Variants in IPCEF1 observed in about 807,000 individuals in gnomAD.
The protein encoded by IPCEF1 is interactor protein for cytohesin exchange factors 1.
A neutral mutation model predicts 50.9 loss-of-function variants in IPCEF1; 31 were observed. The ratio of observed to expected loss-of-function variants is 0.61; its 90% confidence interval spans 0.46 to 0.82. The LOEUF (loss-of-function observed/expected upper bound fraction) is 0.82. Among genes scored for constraint, IPCEF1 ranks in the 40% least tolerant of loss-of-function variants. The pLI, the probability that IPCEF1 is intolerant of heterozygous loss-of-function variation, is 0.00. For missense variants in IPCEF1, 458 were observed against 514.0 expected (o/e 0.89, Z 1.05); for synonymous variants, 181 against 192.0 (o/e 0.94, Z 0.47).
At chr6:154,246,431 C>CA (rs1781049832) in intron 5 of IPCEF1, among the ~76,000 whole-genome samples, 160 bp downstream of exon 5, 1 of 152,210 alleles carries the variant, frequency 6.6e-6, no homozygotes, top group African/African-American at 2.4e-5. Context: ...GCATAACCTA[C>CA]ATATCTACTG....
intron 9 of IPCEF1, among the ~76,000 whole-genome samples, chr6:154,204,846 T>C (rs1159458928): frequency 6.6e-6 from 1 of 152,140 alleles, no homozygotes; most frequent in Non-Finnish European, 1.5e-5. Flanking sequence ...AAAATATCCA[T>C]AGTATTCATT....
At chr6:154,314,883 AC>A (rs1250214035) in intron 1 of IPCEF1, among the ~76,000 whole-genome samples, 1 of 146,020 alleles carries the variant, frequency 6.8e-6, no homozygotes, top group Non-Finnish European at 1.5e-5. Flanking sequence ...TAGTGTGATT[AC>A]TTTTTTTTTT....
At chr6:154,262,941 TA>T (rs1472031600) in intron 3 of IPCEF1, among the ~76,000 whole-genome samples, 1 of 151,778 alleles carries the variant, frequency 6.6e-6, no homozygotes, top group Non-Finnish European at 1.5e-5. Context: ...CATGCCCAGC[TA>T]ATTTTTGTAT....
chr6:154,170,086 G>C (rs1303860382), intron 10 of IPCEF1, among the ~76,000 whole-genome samples: 2 of 152,162 alleles, frequency 1.3e-5, no homozygotes, highest in Non-Finnish European at 2.9e-5. Flanking sequence ...TATGCACCTG[G>C]AAGGGCCTCA....
Position 154,322,885 on chromosome 6 carries a change from C to T in IPCEF1, c.-61-33129G>A, listed in dbSNP as rs555335912. Among the ~76,000 whole-genome samples, 14 of 151,616 alleles carry T rather than the reference C, an allele frequency of 9.2e-5. No homozygotes were observed. In the South Asian group the frequency reaches 1.0e-3, roughly 11 times the overall value. On this transcript the variant is annotated intron_variant, in intron 1 of 11. Transcript: ENST00000367220. ...AGAAATGAGGAACCTATACTTTAAA[C>T]GCAATTTTTAAATGTAGAAATTGTA...
chr6:154,195,084 T>C (rs536936478), intron 10 of IPCEF1, among the ~76,000 whole-genome samples: 5 of 151,968 alleles, frequency 3.3e-5, no homozygotes, highest in Non-Finnish European at 5.9e-5. Flanking sequence ...CCTTCTTATG[T>C]CCTGTCTCCT....
chr6:154,242,390 C>T (rs1583887157), intron 5 of IPCEF1, among the ~76,000 whole-genome samples: 1 of 152,230 alleles, frequency 6.6e-6, no homozygotes, highest in East Asian at 1.9e-4. Context: ...TCTTGAAATT[C>T]CCATGGGCAA....
At position 154,180,412 on chromosome 6, in the gene IPCEF1, ATAT is replaced by A. The variant is rs1427080155; in HGVS notation, c.911-12302_911-12300del. On this transcript the variant is annotated intron_variant, in intron 10 of 11. Coordinates refer to ENST00000367220, the MANE Select transcript of IPCEF1 (RefSeq NM_001130700.2). ...TATATATATATATATATATATATAT[ATAT>A]TTTTTTTTTAAACATGATCCTTCTT... 4.7e-4 allele frequency among the ~76,000 whole-genome samples: 24 copies of A among 50,814 alleles called. No homozygotes were observed. The South Asian group carries it at 5.0e-3, about 11-fold the overall frequency. 33.3% of individuals were successfully genotyped at this position (50,814 alleles called of 152,430 possible).
intron 1 of IPCEF1, among the ~76,000 whole-genome samples, chr6:154,317,582 G>C (rs1181543401): frequency 1.1e-5 from 1 of 89,016 alleles, no homozygotes; most frequent in Non-Finnish European, 2.4e-5. Flanking sequence ...AAAAGCAAAT[G>C]ACTCAGACAC....
rs1798814040 is a variant in IPCEF1 at position 154,158,793 on chromosome 6, T to G, written c.*1035A>C. 6.6e-6 allele frequency: 1 copy of G among 152,220 alleles called. No individual in the cohort carries two copies. The highest frequency in any genetic ancestry group is 2.4e-5 in the African/African-American group (1 of 41,458). 9.4% of individuals were successfully genotyped at this position (152,220 alleles called of 1,614,324 possible). A position where few individuals can be genotyped will look rare whatever the true frequency, so the allele number is the denominator to read the frequency against. On this transcript the variant is annotated 3_prime_UTR_variant, in exon 12 of 12. Transcript: ENST00000367220. The stretch of plus-strand genomic sequence containing the variant: ...CTTTTAAACACTAGTAATTTGAACT[T>G]CTATAAATATATTTAAATAACAAAC...
chr6:154,228,641 G>T (rs1312148533), intron 5 of IPCEF1, among the ~76,000 whole-genome samples: 1 of 152,130 alleles, frequency 6.6e-6, no homozygotes, highest in Non-Finnish European at 1.5e-5. Flanking sequence ...AAAATGGCTG[G>T]TGTTACAACA....
At chr6:154,257,289 G>C (rs62433243) in intron 3 of IPCEF1, among the ~76,000 whole-genome samples, 19,274 of 152,064 alleles carry the variant, frequency 0.13, 1,408 homozygotes, top group Non-Finnish European at 0.17. Flanking sequence ...TGTCATCATG[G>C]AGTGAACCTA....
chr6:154,169,019 A>G (rs576829759), intron 10 of IPCEF1, among the ~76,000 whole-genome samples: 1 of 152,018 alleles, frequency 6.6e-6, no homozygotes, highest in East Asian at 1.9e-4. Context: ...AACAACTCCA[A>G]AAGTCTTAAC....
intron 10 of IPCEF1, among the ~76,000 whole-genome samples, chr6:154,175,833 T>A (rs188116919): frequency 4.1e-4 from 62 of 152,226 alleles, no homozygotes; most frequent in African/African-American, 1.4e-3. Context: ...GAGGCCAGCA[T>A]CATCCTGATA....
At chr6:154,211,494 A>G (rs1336695509) in intron 9 of IPCEF1, among the ~76,000 whole-genome samples, 1 of 152,112 alleles carries the variant, frequency 6.6e-6, no homozygotes, top group African/African-American at 2.4e-5. Flanking sequence ...CTCACTGGAC[A>G]CTTGAGCATG....
At position 154,167,985 on chromosome 6, in the gene IPCEF1, G is replaced by A. The variant is rs762053642; in HGVS notation, c.1039C>T (p.Arg347Trp). 3.1e-6 allele frequency: 5 copies of A among 1,610,858 alleles called. No homozygotes were observed. The highest frequency in any genetic ancestry group is 2.2e-5 in the East Asian group (1 of 44,798). Residue 347 changes from arginine (R) to tryptophan (W), a missense_variant, in exon 11 of 12, where the codon CGG becomes TGG. By Grantham distance (101) the Arg-to-Trp change is moderately radical. Coordinates refer to ENST00000367220, the MANE Select transcript of IPCEF1 (RefSeq NM_001130700.2). ...KKELRKSFVK[R>W]CKNPSINEKL... The stretch of plus-strand genomic sequence containing the variant: ...TCGTTTATAGATGGATTTTTACACC[G>A]CTTAACAAAGGATTTTCTCAACTCC...
intron 10 of IPCEF1, among the ~76,000 whole-genome samples, chr6:154,180,442 G>T: frequency 6.9e-6 from 1 of 144,486 alleles, no homozygotes; most frequent in Admixed American, 7.1e-5. Flanking sequence ...ATCCTTCTTG[G>T]TGACATTAGC....
In IPCEF1 at chr6:154,215,867, G is replaced by A. The variant is rs115060859; in HGVS notation, c.393-1591C>T. On this transcript the variant is annotated intron_variant, in intron 7 of 11. Transcript: ENST00000367220. ...GAAATCAAATAGCTAGACAATATGCGAAAAAAATTTCTCAGCCTCAATAGT... is the reference window on the plus strand; with the variant it reads ...GAAATCAAATAGCTAGACAATATGCAAAAAAAATTTCTCAGCCTCAATAGT... 6.1e-3 allele frequency among the ~76,000 whole-genome samples: 932 copies of A among 152,038 alleles called. 8 individuals are homozygous for A. The highest frequency in any genetic ancestry group is 0.021 in the African/African-American group (854 of 41,472).
chr6:154,182,249 A>G (rs1800948867), intron 10 of IPCEF1, among the ~76,000 whole-genome samples: 1 of 152,134 alleles, frequency 6.6e-6, no homozygotes, highest in South Asian at 2.1e-4. Flanking sequence ...TGCCAGAGTC[A>G]TGTACGTATC....
Sources: allele counts gnomAD v4.1 joint callset (sites outside exome capture counted in the v4.1 genomes callset), GRCh38; gene constraint gnomAD v4.1.1; transcripts MANE v1.5; gene names NCBI Gene and HGNC (gene_info 2026-07-23, HGNC 2026-07-21).